DTX2: variants seen among roughly 807,000 people sequenced by gnomAD.
DTX2 encodes deltex E3 ubiquitin ligase 2, also known as probable E3 ubiquitin-protein ligase DTX2.
In DTX2, 29 loss-of-function variants were observed where a neutral mutation model predicts 55.3. That is an observed-to-expected ratio of 0.52 (90% confidence interval 0.39 to 0.71). The LOEUF (loss-of-function observed/expected upper bound fraction) is 0.71. Among genes scored for constraint, DTX2 ranks in the 30% least tolerant of loss-of-function variants. The probability of loss-of-function intolerance (pLI) is 0.00; values close to 1 mark genes in which losing one functional copy is unlikely to be tolerated. For missense variants in DTX2, 537 were observed against 822.5 expected (o/e 0.65, Z 4.25); for synonymous variants, 276 against 340.4 (o/e 0.81, Z 2.08).
At chr7:76,504,630 G>A (rs564669495) in intron 10 of DTX2, among the ~76,000 whole-genome samples, 185 bp downstream of exon 10, 41 of 152,324 alleles carry the variant, frequency 2.7e-4, no homozygotes, top group African/African-American at 8.7e-4. Context: ...ACATAGCCTC[G>A]AGGGAGGAGG....
chr7:76,473,083 C>T (rs1163169972), intron 2 of DTX2, among the ~76,000 whole-genome samples: 2 of 152,106 alleles, frequency 1.3e-5, no homozygotes, highest in Non-Finnish European at 2.9e-5. Flanking sequence ...CTCTTCCCTC[C>T]ACCTCCCGAG....
chr7:76,475,127 T>A lies in DTX2; in HGVS notation c.-89-5294T>A, dbSNP rs928456671. On this transcript the variant is annotated intron_variant, in intron 2 of 10. Transcript: ENST00000430490. ...TTCGAGACCAGCCTGGCCAACATGG[T>A]GAAGCCGCGTCTCTACTAAATACAA... is the stretch of plus-strand genomic sequence containing the variant. Among the ~76,000 whole-genome samples, 3 of 149,322 alleles carry A rather than the reference T, an allele frequency of 2.0e-5. No individual in the cohort carries two copies. In the Admixed American group the frequency reaches 2.0e-4, roughly 10 times the overall value.
chr7:76,495,655 C>T (rs1466282551), intron 5 of DTX2, among the ~76,000 whole-genome samples: 8 of 148,986 alleles, frequency 5.4e-5, no homozygotes, highest in South Asian at 2.2e-4. Context: ...GCAGGCTTCC[C>T]AGGGATCAGG....
chr7:76,482,360 T>C (rs1809324650), intron 3 of DTX2, 148 bp from the exon 4 acceptor site: 6 of 1,047,634 alleles, frequency 5.7e-6, no homozygotes, highest in Non-Finnish European at 8.4e-6. Flanking sequence ...ACCCTGCCTC[T>C]AACAATAAAT....
In DTX2 at chr7:76,505,368, G is replaced by T. The variant is rs781172309; in HGVS notation, c.1642-6G>T. On this transcript the variant is annotated splice_polypyrimidine_tract_variant and splice_region_variant and intron_variant, in intron 10 of 10. Coordinates refer to ENST00000430490, the MANE Select transcript of DTX2 (RefSeq NM_001102594.3). The surrounding 1 kb of genome is among the most constrained non-coding windows in gnomAD (Gnocchi z 4.4). ...CTTCCTCTTCCCCCTCCTCCTCCCC[G>T]GGCAGGTCCTAGAGCTCCTGAAGGT... The T allele has an allele frequency of 4.5e-6, 7 of 1,565,744 alleles. No individual in the cohort carries two copies. In the South Asian group the frequency reaches 8.2e-5, roughly 18 times the overall value.
Position 76,503,536 on chromosome 7 carries a change from C to T in DTX2, c.1500C>T (p.His500=), listed in dbSNP as rs375549335. ...VLRFQMSLPG[H]EDCGTILIVY... ...GGTTCCAGATGTCGCTCCCCGGCCA[C>T]GAGGACTGCGGGACCATCCTCATAG... The change falls in exon 9 of 11, where the codon CAC becomes CAT. Residue 500 remains histidine (H), a synonymous_variant. Transcript: ENST00000430490. The T allele has an allele frequency of 4.8e-5, 77 of 1,612,630 alleles. No homozygotes were observed. Among genetic ancestry groups the T allele is most frequent in the South Asian group, 3.7e-4 (34 of 91,078 alleles).
chr7:76,466,340 A>G (rs866658218), intron 2 of DTX2, among the ~76,000 whole-genome samples: 4 of 151,426 alleles, frequency 2.6e-5, no homozygotes, highest in Non-Finnish European at 4.4e-5. Flanking sequence ...ATTTTTAATA[A>G]ATGTAGTAAG....
intron 7 of DTX2, among the ~76,000 whole-genome samples, chr7:76,501,082 C>T (rs1811616033): frequency 2.6e-5 from 4 of 151,392 alleles, no homozygotes; most frequent in African/African-American, 9.7e-5. Flanking sequence ...TCTACTGAGC[C>T]ACGTTTTGGG....
intron 2 of DTX2, among the ~76,000 whole-genome samples, chr7:76,467,523 C>T (rs566020104): frequency 3.3e-5 from 3 of 90,922 alleles, no homozygotes. Flanking sequence ...TGATTTTAAT[C>T]CTTCGTGTCT....
chr7:76,477,161 C>CGCCTGCCT (rs1458559686), intron 2 of DTX2: 1 of 143,528 alleles, frequency 7.0e-6, no homozygotes. Context: ...CCCGCCCGCC[C>CGCCTGCCT]GCCCGAGGGC....
intron 2 of DTX2, among the ~76,000 whole-genome samples, chr7:76,465,036 T>C (rs1012535192): frequency 1.3e-5 from 2 of 150,770 alleles, no homozygotes; most frequent in Admixed American, 6.6e-5. Flanking sequence ...CCTCCCAGGC[T>C]CAAGAGGTTC....
At chr7:76,491,306 T>C (rs1810416310) in intron 4 of DTX2, among the ~76,000 whole-genome samples, 2 of 146,734 alleles carry the variant, frequency 1.4e-5, no homozygotes, top group Admixed American at 1.4e-4. Flanking sequence ...ATTTTTTTTT[T>C]TTTTTTGAGA....
Position 76,501,903 on chromosome 7 carries a change from T to G in DTX2, c.1231-395T>G, listed in dbSNP as rs74908045. On this transcript the variant is annotated intron_variant, in intron 7 of 10. Transcript: ENST00000430490. ...GTGGAATGGACTTTTTTTTTTTTTT[T>G]TCTGAGACGGAGTCTCGCTCTGTCA... is the stretch of plus-strand genomic sequence containing the variant. The G allele has an allele frequency of 1.6e-5, 3 of 192,130 alleles. No individual in the cohort carries two copies. The Admixed American group carries it at 1.7e-4, about 11-fold the overall frequency. 11.9% of individuals were successfully genotyped at this position (192,130 alleles called of 1,614,324 possible).
At chr7:76,499,910 A>C (rs1563753852) in intron 6 of DTX2, 1 of 340,738 alleles carries the variant, frequency 2.9e-6, no homozygotes, top group Non-Finnish European at 5.9e-6. Flanking sequence ...AGACCTTCCC[A>C]GTCAGTGGCA....
At chr7:76,479,873 G>A (rs139607197) in intron 2 of DTX2, among the ~76,000 whole-genome samples, 2 of 150,186 alleles carry the variant, frequency 1.3e-5, no homozygotes, top group African/African-American at 2.5e-5. Context: ...ACTAGCACCC[G>A]GAATTTATGC....
chr7:76,464,393 C>T (rs1353278258), intron 2 of DTX2, among the ~76,000 whole-genome samples: 1 of 148,694 alleles, frequency 6.7e-6, no homozygotes, highest in African/African-American at 2.6e-5. Flanking sequence ...TGCCAAGACT[C>T]GGGAGTGGAA....
At position 76,488,029 on chromosome 7, in the gene DTX2, C is replaced by T. The variant is rs1369188477; in HGVS notation, c.909-4124C>T. ...TCCGTCCACCCCTAGGGGCCCCTATCTTGGGAACCTCTGGATCCTTGTACG... is the reference window on the plus strand; with the variant it reads ...TCCGTCCACCCCTAGGGGCCCCTATTTTGGGAACCTCTGGATCCTTGTACG... On this transcript the variant is annotated intron_variant, in intron 4 of 10. Coordinates refer to ENST00000430490, the MANE Select transcript of DTX2 (RefSeq NM_001102594.3). Among the ~76,000 whole-genome samples the T allele has an allele frequency of 2.1e-5, 2 of 96,320 alleles. 1 individual carries two copies. Among genetic ancestry groups the T allele is most frequent in the Non-Finnish European group, 4.4e-5 (2 of 45,902 alleles). The allele number at this position is 96,320 out of a possible 152,430, so 63.2% of individuals were successfully genotyped here.
chr7:76,480,799 G>A (rs372806582), intron 3 of DTX2, 22 bp downstream of exon 3: 385 of 1,565,366 alleles, frequency 2.5e-4, no homozygotes, highest in East Asian at 6.0e-4. Context: ...TCTGCCTCTC[G>A]CACATATCTG....
intron 8 of DTX2, among the ~76,000 whole-genome samples, chr7:76,503,187 C>G (rs1285692610): frequency 1.3e-5 from 2 of 152,216 alleles, no homozygotes; most frequent in African/African-American, 4.8e-5. Context: ...TCCGAGTTTT[C>G]CCACTCGCCA....
Sources: allele counts gnomAD v4.1 joint callset (sites outside exome capture counted in the v4.1 genomes callset), GRCh38; gene constraint gnomAD v4.1.1; non-coding constraint Gnocchi (gnomAD v3.1); transcripts MANE v1.5; gene names NCBI Gene and HGNC (gene_info 2026-07-23, HGNC 2026-07-21).